The following PAX5 variants were observed in gnomAD, a reference collection of about 807,000 sequenced individuals.
PAX5 encodes the protein paired box 5, also known as paired box protein Pax-5.
Under a neutral mutation model 43.7 loss-of-function variants are expected in PAX5, and 9 were observed. The observed-to-expected ratio is 0.21, with a 90% CI of 0.12 to 0.36. PAX5 has a LOEUF of 0.36. PAX5 is among the 10% of genes least tolerant of loss of function. The pLI is 1.00. For synonymous variants in PAX5, 228 were observed against 214.3 expected (o/e 1.06, Z -0.56); for missense variants, 383 against 532.7 (o/e 0.72, Z 2.77).
Position 36,865,256 on chromosome 9 carries a change from G to A in PAX5, c.1012+16748C>T, listed in dbSNP as rs78339495. ...GGTGAGCCCGGCCAGAGCATCCATC[G>A]AGTCAGCAACCCTCAGCTTCTGAGC... On this transcript the variant is annotated intron_variant, in intron 8 of 9. Coordinates refer to ENST00000358127, the MANE Select transcript of PAX5 (RefSeq NM_016734.3). Among the ~76,000 whole-genome samples the A allele has an allele frequency of 3.4e-3, 514 of 152,210 alleles. 2 individuals carry two copies. Among genetic ancestry groups the A allele is most frequent in the African/African-American group, 0.012 (480 of 41,530 alleles).
chr9:36,977,486 G>A (rs889496667), intron 5 of PAX5, among the ~76,000 whole-genome samples: 4 of 152,044 alleles, frequency 2.6e-5, no homozygotes, highest in African/African-American at 9.7e-5. Flanking sequence ...AAGGCCCCCT[G>A]TAGCCCGAGT....
At chr9:36,862,522 A>G (rs148323469) in intron 8 of PAX5, among the ~76,000 whole-genome samples, 22 of 152,316 alleles carry the variant, frequency 1.4e-4, no homozygotes, top group African/African-American at 4.6e-4. Flanking sequence ...ACAGCCCAAC[A>G]GCAGCGATTT....
At chr9:36,879,870 G>A (rs1732798085) in intron 8 of PAX5, among the ~76,000 whole-genome samples, 1 of 152,184 alleles carries the variant, frequency 6.6e-6, no homozygotes, top group Admixed American at 6.5e-5. Flanking sequence ...GGCGGGGCAA[G>A]GGGAAGGGTG....
chr9:37,009,042 CA>C (rs1411774405), intron 3 of PAX5, among the ~76,000 whole-genome samples: 4 of 152,050 alleles, frequency 2.6e-5, no homozygotes, highest in South Asian at 2.1e-4. Context: ...AAATATATGG[CA>C]AAAAAGTCAC....
At chr9:36,880,974 C>T (rs945562572) in intron 8 of PAX5, among the ~76,000 whole-genome samples, 1 of 152,146 alleles carries the variant, frequency 6.6e-6, no homozygotes, top group African/African-American at 2.4e-5. Context: ...AGCTGTGTTG[C>T]CCCCTGTAAA....
At chr9:36,888,551 T>C (rs113486047) in intron 7 of PAX5, among the ~76,000 whole-genome samples, 4 of 152,322 alleles carry the variant, frequency 2.6e-5, no homozygotes, top group African/African-American at 9.6e-5. Context: ...AATATATTCA[T>C]ACAAATGTCC....
chr9:36,911,192 T>C (rs1342667048), intron 7 of PAX5, among the ~76,000 whole-genome samples: 46 of 152,206 alleles, frequency 3.0e-4, no homozygotes, highest in Non-Finnish European at 5.9e-5. Flanking sequence ...AATTGCCTGG[T>C]TCTGCCCCAC....
chr9:36,897,484 C>A (rs1827969485), intron 7 of PAX5, among the ~76,000 whole-genome samples: 1 of 151,956 alleles, frequency 6.6e-6, no homozygotes, highest in Non-Finnish European at 1.5e-5. Context: ...ATAAAGGTTT[C>A]TTCAAACACA....
At chr9:36,994,919 G>A (rs1022180314) in intron 5 of PAX5, among the ~76,000 whole-genome samples, 4 of 152,108 alleles carry the variant, frequency 2.6e-5, no homozygotes, top group South Asian at 2.1e-4. Flanking sequence ...TGGGTTCTAC[G>A]TGATGCCCCC....
At chr9:36,916,528 G>A (rs1748017122) in intron 7 of PAX5, among the ~76,000 whole-genome samples, 1 of 151,962 alleles carries the variant, frequency 6.6e-6, no homozygotes, top group Admixed American at 6.6e-5. Flanking sequence ...CGGAGGAGTT[G>A]GCATTTTATG....
At chr9:36,865,412 C>G (rs1563909091) in intron 8 of PAX5, among the ~76,000 whole-genome samples, 1 of 152,186 alleles carries the variant, frequency 6.6e-6, no homozygotes, top group East Asian at 1.9e-4. Context: ...TCTCCTAGGT[C>G]TTGAGAAATT....
chr9:37,023,135 G>C (rs1278633083), intron 1 of PAX5, among the ~76,000 whole-genome samples: 2 of 152,158 alleles, frequency 1.3e-5, no homozygotes, highest in African/African-American at 4.8e-5. Flanking sequence ...AGACAACCAG[G>C]AGAGAGAGAG....
intron 8 of PAX5, among the ~76,000 whole-genome samples, chr9:36,868,135 C>T (rs755163422): frequency 2.6e-5 from 4 of 152,186 alleles, no homozygotes; most frequent in Non-Finnish European, 4.4e-5. Flanking sequence ...ATTGTCTCAG[C>T]GTCTTCCTGC....
At position 36,923,392 on chromosome 9, in the gene PAX5, G is replaced by A. The variant is rs774213560; in HGVS notation, c.873C>T (p.Ser291=). 8.7e-6 allele frequency: 14 copies of A among 1,613,130 alleles called. No individual in the cohort carries two copies. The highest frequency in any genetic ancestry group is 1.2e-5 in the Non-Finnish European group (14 of 1,180,002). Residue 291 remains serine (S), a synonymous_variant, in exon 7 of 10, where the codon AGC becomes AGT. Coordinates refer to ENST00000358127, the MANE Select transcript of PAX5 (RefSeq NM_016734.3). ...GGTAGGACTGCGGGCCTGGCACACT[G>A]CTCCCGATGTCAGCAGGGGTGGGGC... ...LASPTPADIG[S]SVPGPQSYPI...
intron 8 of PAX5, among the ~76,000 whole-genome samples, chr9:36,847,269 T>C (rs943518970): frequency 2.6e-5 from 4 of 152,190 alleles, no homozygotes; most frequent in African/African-American, 9.7e-5. Flanking sequence ...CCAGGTCGTC[T>C]CACAAAATGG....
chr9:37,020,854 C>A (rs1471821041), intron 1 of PAX5, 53 bp from the exon 2 acceptor site: 17 of 1,592,536 alleles, frequency 1.1e-5, no homozygotes, highest in Non-Finnish European at 1.4e-5. Flanking sequence ...GAACCAGTCA[C>A]ATAGGAGAAG....
chr9:37,032,893 C>T (rs760831793), intron 1 of PAX5, among the ~76,000 whole-genome samples: 3 of 152,248 alleles, frequency 2.0e-5, no homozygotes, highest in South Asian at 4.1e-4. Flanking sequence ...GAGGCCTGTG[C>T]GCATACAGGC....
At chr9:37,027,580 C>T (rs1588273182) in intron 1 of PAX5, among the ~76,000 whole-genome samples, 1 of 152,226 alleles carries the variant, frequency 6.6e-6, no homozygotes, top group African/African-American at 2.4e-5. Flanking sequence ...GAGATGGAGC[C>T]GCAGTCGGCT....
intron 5 of PAX5, among the ~76,000 whole-genome samples, chr9:36,980,257 G>T (rs1328301242): frequency 1.3e-5 from 2 of 152,240 alleles, no homozygotes; most frequent in Non-Finnish European, 2.9e-5. Context: ...GGAGGCCAGG[G>T]CAATGACAGT....
Sources: allele counts gnomAD v4.1 joint callset (sites outside exome capture counted in the v4.1 genomes callset), GRCh38; gene constraint gnomAD v4.1.1; transcripts MANE v1.5; gene names NCBI Gene and HGNC (gene_info 2026-07-23, HGNC 2026-07-21).